The following TEX15 variants were observed in gnomAD, a reference collection of about 807,000 sequenced individuals.
TEX15 encodes the protein testis-expressed protein 15.
In TEX15, 171 loss-of-function variants were observed where a neutral mutation model predicts 237.3. The ratio of observed to expected loss-of-function variants is 0.72; its 90% CI spans 0.64 to 0.82. The LOEUF (loss-of-function observed/expected upper bound fraction) is 0.82, where lower values mean the gene tolerates loss of function less well. Among genes scored for constraint, TEX15 ranks in the 40% least tolerant of loss-of-function variants. The probability of loss-of-function intolerance (pLI) is 0.00; values close to 1 mark genes in which losing one functional copy is unlikely to be tolerated. For synonymous variants in TEX15, 1,338 were observed against 1,269.8 expected, an observed-to-expected ratio of 1.05 and a Z score of -1.14; for missense variants, 3,750 against 3,646.5, an observed-to-expected ratio of 1.03 and a Z score of -0.73.
In TEX15 at chr8:30,854,826, C is replaced by A. The variant is rs78152971; in HGVS notation, c.850+3842G>T. ...TGGGATCCAAGGAATGCGATGTTAA[C>A]ATCTAAAATCAATTAATGTAATACA... On this transcript the variant is annotated intron_variant, in intron 7 of 10. Transcript: ENST00000643185. Among the ~76,000 whole-genome samples the A allele has an allele frequency of 1.9e-3, 293 of 152,134 alleles. 3 individuals are homozygous for A. The highest frequency in any genetic ancestry group is 0.012 in the East Asian group (64 of 5,186).
intron 1 of TEX15, among the ~76,000 whole-genome samples, chr8:30,903,390 C>T (rs942053529): frequency 3.3e-5 from 5 of 152,204 alleles, no homozygotes; most frequent in Non-Finnish European, 7.3e-5. Flanking sequence ...GGTTAGGACT[C>T]CCTTGGTTTC....
intron 5 of TEX15, among the ~76,000 whole-genome samples, chr8:30,867,026 G>A (rs1462458242): frequency 6.7e-6 from 1 of 149,908 alleles, no homozygotes; most frequent in Non-Finnish European, 1.5e-5. Context: ...TATACATATT[G>A]GGAAGACAAA....
Position 30,887,191 on chromosome 8 carries a change from T to C in TEX15, c.112A>G (p.Lys38Glu), listed in dbSNP as rs1379793614. 2.2e-5 allele frequency: 33 copies of C among 1,534,608 alleles called. No individual in the cohort carries two copies. Among genetic ancestry groups the C allele is most frequent in the Non-Finnish European group, 2.5e-5 (29 of 1,146,486 alleles). Residue 38 changes from lysine (K) to glutamate (E), a missense_variant, in exon 3 of 11, where the codon AAG becomes GAG. By Grantham distance (56) the Lys-to-Glu change is moderately conservative. Transcript: ENST00000643185. Reference protein sequence around the residue: ...VNPLKKFTIPKIRRTAEKVYL... With the variant: ...VNPLKKFTIPEIRRTAEKVYL... ...CCTTTCTCAGCTGTCCTCCTGATCT[T>C]AGGAATGGTGAATTTCTTCAAAGGA...
intron 2 of TEX15, among the ~76,000 whole-genome samples, chr8:30,889,954 C>CACATATATATATATATATACGTATAT (rs1554502343): frequency 9.1e-6 from 1 of 110,086 alleles, no homozygotes; most frequent in African/African-American, 4.5e-5. Flanking sequence ...TATATATATA[C>CACATATATATATATATATACGTATAT]ATATATATAT....
chr8:30,912,479 A>G (rs1211417163), intron 1 of TEX15, among the ~76,000 whole-genome samples: 1 of 152,126 alleles, frequency 6.6e-6, no homozygotes, highest in Non-Finnish European at 1.5e-5. Flanking sequence ...GCCACCACCA[A>G]GTTGTGGCGC....
At chr8:30,896,532 C>T (rs1481642365) in intron 2 of TEX15, among the ~76,000 whole-genome samples, 2 of 150,102 alleles carry the variant, frequency 1.3e-5, no homozygotes, top group African/African-American at 5.0e-5. Context: ...AGCTCACTAC[C>T]AGAACCATAC....
chr8:30,890,774 T>A (rs1808780105), intron 2 of TEX15, among the ~76,000 whole-genome samples: 1 of 152,182 alleles, frequency 6.6e-6, no homozygotes, highest in Non-Finnish European at 1.5e-5. Flanking sequence ...TTTTTTAATA[T>A]TTCATCAAAC....
At chr8:30,886,439 G>T (rs1274886639) in intron 3 of TEX15, among the ~76,000 whole-genome samples, 1 of 152,166 alleles carries the variant, frequency 6.6e-6, no homozygotes, top group Non-Finnish European at 1.5e-5. Flanking sequence ...TCTCCACTTT[G>T]TTCACTGACT....
intron 1 of TEX15, among the ~76,000 whole-genome samples, chr8:30,903,849 T>C (rs1051971532): frequency 1.4e-4 from 21 of 152,170 alleles, no homozygotes; most frequent in African/African-American, 5.1e-4. Context: ...AAATCAGATA[T>C]GGTGTTAGAA....
chr8:30,832,192 T>C lies in TEX15; in HGVS notation c.*1094A>G, dbSNP rs1403133539. The C allele has an allele frequency of 6.6e-6, 1 of 152,240 alleles. No homozygotes were observed. The highest frequency in any genetic ancestry group is 1.9e-4 in the East Asian group (1 of 5,202). The allele number at this position is 152,240 out of a possible 1,614,324, so 9.4% of individuals were successfully genotyped here. ...ATTAAACAAAGTAGAATTATAGTCT[T>C]TTCAAAGGCCTGTGCCAGATAACAC... On this transcript the variant is annotated 3_prime_UTR_variant, in exon 11 of 11. Coordinates refer to ENST00000643185, the MANE Select transcript of TEX15 (RefSeq NM_001350162.2).
chr8:30,884,514 T>TA (rs1459169410), intron 3 of TEX15, among the ~76,000 whole-genome samples: 2 of 152,242 alleles, frequency 1.3e-5, no homozygotes, highest in African/African-American at 4.8e-5. Flanking sequence ...GTTTAATAGA[T>TA]AGATTTAGGC....
chr8:30,869,572 A>G (rs1391075988), intron 4 of TEX15, among the ~76,000 whole-genome samples: 1 of 151,978 alleles, frequency 6.6e-6, no homozygotes, highest in East Asian at 1.9e-4. Flanking sequence ...AAGCATAAAG[A>G]GACAACTGTG....
rs1364402970 is a variant in TEX15 at position 30,843,437 on chromosome 8, T to C, written c.6730A>G (p.Met2244Val). ...KQDHLWIIIEMISSKVNFIKN... is the reference protein window; with the variant it reads ...KQDHLWIIIEVISSKVNFIKN... ...ATAAAATTAACCTTTGAGGAGATCA[T>C]TTCTATGATAATCCACAGATGGTCC... is the stretch of plus-strand genomic sequence containing the variant. Residue 2244 changes from methionine to valine, a missense_variant, in exon 8 of 11, where the codon ATG (methionine) becomes GTG (valine). Transcript: ENST00000643185. 1.9e-6 allele frequency: 3 copies of C among 1,613,152 alleles called. No individual in the cohort carries two copies. Among genetic ancestry groups the C allele is most frequent in the South Asian group, 2.2e-5 (2 of 90,998 alleles).
intron 1 of TEX15, among the ~76,000 whole-genome samples, chr8:30,904,785 C>T (rs1809067065): frequency 1.3e-5 from 2 of 152,114 alleles, no homozygotes; most frequent in African/African-American, 4.8e-5. Flanking sequence ...CTTTATTTTC[C>T]ACATTTTAGT....
chr8:30,892,280 C>G (rs1808809482), intron 2 of TEX15, among the ~76,000 whole-genome samples: 1 of 152,184 alleles, frequency 6.6e-6, no homozygotes. Flanking sequence ...AATGCCATCT[C>G]TGACATAAAC....
rs1315904416 is a variant in TEX15 at position 30,845,327 on chromosome 8, CATTT to C, written c.4836_4839del (p.Ile1612MetfsTer8). 3 of 1,612,440 alleles carry C rather than the reference CATTT, an allele frequency of 1.9e-6. No homozygotes were observed. Among genetic ancestry groups the C allele is most frequent in the South Asian group, 1.1e-5 (1 of 90,924 alleles). On this transcript the variant is annotated frameshift_variant, in exon 8 of 11. Coordinates refer to ENST00000643185, the MANE Select transcript of TEX15 (RefSeq NM_001350162.2). LOFTEE classifies it high-confidence loss of function. The stretch of plus-strand genomic sequence containing the variant: ...CAACTTAAAGATACAGAATTACTTT[CATTT>C]ATTACTTCATTAGCGTCACAACTGT...
intron 7 of TEX15, among the ~76,000 whole-genome samples, chr8:30,858,171 C>T (rs1311081419): frequency 1.3e-5 from 2 of 152,218 alleles, no homozygotes; most frequent in Non-Finnish European, 2.9e-5. Context: ...GAACAAACTA[C>T]AGTTACACAT....
intron 1 of TEX15, among the ~76,000 whole-genome samples, chr8:30,905,369 G>C (rs1178193756): frequency 1.3e-5 from 2 of 151,728 alleles, no homozygotes; most frequent in Admixed American, 1.3e-4. Context: ...ATGAACTCTT[G>C]GGATGCTGCT....
rs573783382 is a variant in TEX15 at position 30,845,622 on chromosome 8, A to T, written c.4545T>A (p.Pro1515=). The change falls in exon 8 of 11, where the codon CCT becomes CCA. Residue 1515 remains proline (P), a synonymous_variant. Coordinates refer to ENST00000643185, the MANE Select transcript of TEX15 (RefSeq NM_001350162.2). ...TGGAGGATACAGGCAACTGTGATTCAGGATGTTCTTGATTACAAAATTCTC... is the reference window on the plus strand; with the variant it reads ...TGGAGGATACAGGCAACTGTGATTCTGGATGTTCTTGATTACAAAATTCTC... The part of the protein sequence containing the change: ...HMGEFCNQEH[P]ESQLPVSSTS... The T allele has an allele frequency of 2.8e-4, 447 of 1,613,624 alleles. 3 individuals carry two copies. The South Asian group carries it at 4.6e-3, about 17-fold the overall frequency.
Sources: allele counts gnomAD v4.1 joint callset (sites outside exome capture counted in the v4.1 genomes callset), GRCh38; gene constraint gnomAD v4.1.1; transcripts MANE v1.5; gene names NCBI Gene and HGNC (gene_info 2026-07-23, HGNC 2026-07-21).